ANKRD11: variants seen among roughly 807,000 people sequenced by gnomAD.
ANKRD11 encodes ankyrin repeat domain-containing protein 11.
Under a neutral mutation model 195.7 loss-of-function variants are expected in ANKRD11, and 17 were observed. That is an observed-to-expected ratio of 0.09 (90% CI 0.06 to 0.13). The LOEUF is 0.13. Among genes scored for constraint, ANKRD11 ranks in the 10% least tolerant of loss-of-function variants. The probability of loss-of-function intolerance (pLI) is 1.00; values close to 1 mark genes in which losing one functional copy is unlikely to be tolerated. For missense variants in ANKRD11, 3,735 were observed against 3,566.1 expected, an observed-to-expected ratio of 1.05 and a Z score of -1.21; for synonymous variants, 1,953 against 1,528.1, an observed-to-expected ratio of 1.28 and a Z score of -6.49.
intron 2 of ANKRD11, among the ~76,000 whole-genome samples, chr16:89,372,319 C>T (rs2040230045): frequency 6.6e-6 from 1 of 152,318 alleles, no homozygotes; most frequent in Admixed American, 6.5e-5. Context: ...CAGCGCCCAG[C>T]GACGGATGCG....
intron 1 of ANKRD11, among the ~76,000 whole-genome samples, chr16:89,463,165 G>A (rs901112517): frequency 6.6e-6 from 1 of 152,218 alleles, no homozygotes; most frequent in Non-Finnish European, 1.5e-5. Flanking sequence ...CACCCCGTCT[G>A]GGAGGTGTGC....
intron 1 of ANKRD11, among the ~76,000 whole-genome samples, chr16:89,488,514 C>A (rs1047416093): frequency 6.7e-6 from 1 of 148,360 alleles, no homozygotes; most frequent in Non-Finnish European, 1.5e-5. Context: ...CATTCTCTAA[C>A]AGAACTCGAA....
rs907793659 is a variant in ANKRD11 at position 89,271,048 on chromosome 16, A to C, written c.7714-139T>G. The C allele has an allele frequency of 6.4e-6, 5 of 781,416 alleles. No homozygotes were observed. In the African/African-American group the frequency reaches 8.5e-5, roughly 13 times the overall value. 48.4% of individuals were successfully genotyped at this position (781,416 alleles called of 1,614,324 possible). ...GCCTCATTCCACCGCGCACACACTGAATCATGTTCAAGGCATGGCAGGCGC... is the reference window on the plus strand; with the variant it reads ...GCCTCATTCCACCGCGCACACACTGCATCATGTTCAAGGCATGGCAGGCGC... On this transcript the variant is annotated intron_variant, in intron 11 of 12. Coordinates refer to ENST00000301030, the MANE Select transcript of ANKRD11 (RefSeq NM_013275.6).
chr16:89,278,023 A>G (rs1466539), intron 9 of ANKRD11: 146,217 of 161,582 alleles, frequency 0.9, 66,387 homozygotes, highest in African/African-American at 0.97. Context: ...GGAAATGGCC[A>G]TTGGTGACGG....
chr16:89,392,035 T>C (rs2041220925), intron 2 of ANKRD11, among the ~76,000 whole-genome samples: 1 of 152,186 alleles, frequency 6.6e-6, no homozygotes, highest in African/African-American at 2.4e-5. Context: ...TCCTTTGTTC[T>C]CCTCTGCCTT....
chr16:89,324,653 T>C, intron 2 of ANKRD11: 1 of 380,520 alleles, frequency 2.6e-6, no homozygotes, highest in Non-Finnish European at 5.2e-6. Context: ...AGCCTCCATC[T>C]TTCTTCCATG....
intron 6 of ANKRD11, 91 bp downstream of exon 6, chr16:89,290,534 G>T: frequency 7.3e-7 from 1 of 1,362,684 alleles, no homozygotes; most frequent in Non-Finnish European, 1.0e-6. Flanking sequence ...GGAGGCTCAG[G>T]GCTCCAATGG....
chr16:89,284,138 G>C lies in ANKRD11; in HGVS notation c.2404C>G (p.Leu802Val). Residue 802 changes from leucine to valine, a missense_variant, in exon 9 of 13, where the codon CTC becomes GTC. By Grantham distance (32) the Leu-to-Val change is conservative. Transcript: ENST00000301030. ...TCCCTATAAACCTTTTCTTTTTTGA[G>C]TTTTTCTTTATCTTCTTTAAAAATC... ...EKIFKEDKEKLKKEKVYREDS... is the reference protein window; with the variant it reads ...EKIFKEDKEKVKKEKVYREDS... 1 of 1,606,496 alleles carries C rather than the reference G, an allele frequency of 6.2e-7. No individual in the cohort carries two copies. Among genetic ancestry groups the C allele is most frequent in the South Asian group, 1.1e-5 (1 of 88,346 alleles).
At chr16:89,328,246 G>C (rs571261203) in intron 2 of ANKRD11, among the ~76,000 whole-genome samples, 3 of 152,202 alleles carry the variant, frequency 2.0e-5, no homozygotes, top group Non-Finnish European at 4.4e-5. Flanking sequence ...CGCTTGCTGT[G>C]GGAACGCAAA....
intron 2 of ANKRD11, among the ~76,000 whole-genome samples, chr16:89,329,210 G>T (rs187566749): frequency 6.6e-6 from 1 of 152,358 alleles, no homozygotes; most frequent in African/African-American, 2.4e-5. Flanking sequence ...ATGTCTGTCG[G>T]TGGCTGTCGA....
intron 2 of ANKRD11, among the ~76,000 whole-genome samples, chr16:89,405,401 G>A (rs890969026): frequency 1.3e-5 from 2 of 151,762 alleles, no homozygotes; most frequent in Non-Finnish European, 2.9e-5. Flanking sequence ...TGAGCTCACC[G>A]TAGCCTCGAC....
chr16:89,447,165 C>T (rs963959709), intron 1 of ANKRD11, among the ~76,000 whole-genome samples: 1 of 152,020 alleles, frequency 6.6e-6, no homozygotes, highest in Non-Finnish European at 1.5e-5. Flanking sequence ...CACCAGTGGC[C>T]TCCTCACCCC....
At chr16:89,387,081 C>T (rs538479548) in intron 2 of ANKRD11, among the ~76,000 whole-genome samples, 1 of 152,196 alleles carries the variant, frequency 6.6e-6, no homozygotes, top group South Asian at 2.1e-4. Flanking sequence ...ACAGAAGGCC[C>T]CAGTGACATG....
chr16:89,448,910 G>A (rs1158041179), intron 1 of ANKRD11, among the ~76,000 whole-genome samples: 1 of 152,162 alleles, frequency 6.6e-6, no homozygotes, highest in African/African-American at 2.4e-5. Flanking sequence ...CAGTGCCCCG[G>A]ACCTGGCATC....
chr16:89,483,510 A>G (rs1597555972), intron 1 of ANKRD11, among the ~76,000 whole-genome samples: 1 of 152,246 alleles, frequency 6.6e-6, no homozygotes, highest in Non-Finnish European at 1.5e-5. Flanking sequence ...TACCTCTCGC[A>G]TGTGTCAGGG....
chr16:89,441,571 T>G (rs953551469), intron 1 of ANKRD11, among the ~76,000 whole-genome samples: 5 of 151,852 alleles, frequency 3.3e-5, no homozygotes, highest in South Asian at 4.2e-4. Flanking sequence ...ATGGAGACCA[T>G]CCTGGCTAAC....
chr16:89,286,592 G>A, intron 7 of ANKRD11: 2 of 1,104,602 alleles, frequency 1.8e-6, no homozygotes, highest in Non-Finnish European at 2.3e-6. Context: ...GAGGGCTCAG[G>A]CAAGAGGTTA....
At chr16:89,334,476 A>G (rs1243432278) in intron 2 of ANKRD11, among the ~76,000 whole-genome samples, 2 of 152,024 alleles carry the variant, frequency 1.3e-5, no homozygotes, top group Non-Finnish European at 2.9e-5. Context: ...TCCTCTCACA[A>G]AGGGGGAGTG....
chr16:89,463,071 G>A (rs1425007391), intron 1 of ANKRD11, among the ~76,000 whole-genome samples: 3 of 148,964 alleles, frequency 2.0e-5, no homozygotes, highest in South Asian at 4.3e-4. Context: ...CCCCCCGCCC[G>A]GCCAGCCGCC....
Sources: gnomAD v4.1 joint callset for allele counts (sites outside exome capture counted in the v4.1 genomes callset) on GRCh38, gnomAD v4.1.1 for gene constraint, MANE v1.5 for transcripts, NCBI Gene and HGNC (gene_info 2026-07-23, HGNC 2026-07-21) for gene names.